BIRC6: variants seen among roughly 807,000 people sequenced by gnomAD.
BIRC6 encodes baculoviral IAP repeat containing 6.
Under a neutral mutation model 503.3 loss-of-function variants are expected in BIRC6, and 98 were observed. The ratio of observed to expected loss-of-function variants is 0.19; its 90% CI spans 0.17 to 0.23. BIRC6 has a LOEUF of 0.23. Among genes scored for constraint, BIRC6 ranks in the 10% least tolerant of loss-of-function variants. BIRC6 has a pLI of 1.00. For synonymous variants in BIRC6, 2,240 were observed against 2,078.7 expected (o/e 1.08, Z -2.11); for missense variants, 5,360 against 5,806.0 (o/e 0.92, Z 2.50).
rs1310723544 is a variant in BIRC6 at position 32,549,459 on chromosome 2, A to G, written c.13122A>G (p.Ser4374=). ...LSQSCLIPAM[S]SYLRNDSVLD... is the part of the protein sequence containing the mutation. The stretch of plus-strand genomic sequence containing the variant: ...AGTCCTGCCTCATCCCAGCCATGTC[A>G]TCTTATCTACGAAATGATTCAGGTA... Residue 4374 remains serine, a synonymous_variant, in exon 65 of 74, where the codon TCA becomes TCG. Coordinates refer to ENST00000421745, the MANE Select transcript of BIRC6 (RefSeq NM_016252.4). 6.9e-7 allele frequency: 1 copy of G among 1,449,596 alleles called. No homozygotes were observed. Among genetic ancestry groups the G allele is most frequent in the Admixed American group, 2.0e-5 (1 of 51,128 alleles). The allele number at this position is 1,449,596 out of a possible 1,614,324, so 89.8% of individuals were successfully genotyped here.
At chr2:32,423,830 C>T (rs2043192673) in intron 10 of BIRC6, among the ~76,000 whole-genome samples, 1 of 152,164 alleles carries the variant, frequency 6.6e-6, no homozygotes, top group East Asian at 1.9e-4. Flanking sequence ...CTTGTCCCAT[C>T]CAGGACACAA....
intron 57 of BIRC6, among the ~76,000 whole-genome samples, chr2:32,520,713 G>A (rs2055563661): frequency 1.3e-5 from 2 of 152,114 alleles, no homozygotes; most frequent in South Asian, 4.1e-4. Context: ...CCTATCTGGG[G>A]GACTGAGGTA....
intron 73 of BIRC6, among the ~76,000 whole-genome samples, chr2:32,613,502 T>C (rs1248513375): frequency 6.6e-6 from 1 of 152,092 alleles, no homozygotes; most frequent in Admixed American, 6.6e-5. Flanking sequence ...TGCCTCAGCC[T>C]CCTGAGTATC....
In BIRC6 at chr2:32,378,076, G is replaced by A. The variant is rs146773671; in HGVS notation, c.507+307G>A. On this transcript the variant is annotated intron_variant, in intron 2 of 73. Transcript: ENST00000421745. ...GTTTCCAATAATAGTCCAGGGCTAA[G>A]TGTATGGCCATCATTGCCAACCTCA... 1.2e-3 allele frequency among the ~76,000 whole-genome samples: 184 copies of A among 152,250 alleles called. 1 individual carries two copies. In the Middle Eastern group the frequency reaches 0.017, roughly 14 times the overall value.
At chr2:32,452,799 A>G (rs1224002752) in intron 22 of BIRC6, among the ~76,000 whole-genome samples, 1 of 152,084 alleles carries the variant, frequency 6.6e-6, no homozygotes. Flanking sequence ...AACATAGAAT[A>G]TAGTCTTCGT....
At chr2:32,403,963 T>C (rs1000822550) in intron 8 of BIRC6, among the ~76,000 whole-genome samples, 4 of 150,310 alleles carry the variant, frequency 2.7e-5, no homozygotes, top group African/African-American at 7.3e-5. Context: ...AGTCTCACCC[T>C]GTCGCCCAGG....
At chr2:32,385,397 T>C (rs968344436) in intron 3 of BIRC6, among the ~76,000 whole-genome samples, 1 of 152,216 alleles carries the variant, frequency 6.6e-6, no homozygotes, top group African/African-American at 2.4e-5. Flanking sequence ...TGAAGGATAC[T>C]TGTTGCTGGT....
chr2:32,388,997 A>G, intron 4 of BIRC6, 54 bp downstream of exon 4: 1 of 1,153,720 alleles, frequency 8.7e-7, no homozygotes, highest in Non-Finnish European at 1.1e-6. Flanking sequence ...TAGTTTTTGC[A>G]TTAAACAAGG....
chr2:32,478,882 C>G, intron 36 of BIRC6, 64 bp downstream of exon 36: 1 of 1,508,200 alleles, frequency 6.6e-7, no homozygotes, highest in Non-Finnish European at 9.1e-7. Flanking sequence ...AACTAAGAAT[C>G]TTCAAAGGGA....
At chr2:32,417,487 A>T (rs988665393) in intron 10 of BIRC6, among the ~76,000 whole-genome samples, 1 of 152,158 alleles carries the variant, frequency 6.6e-6, no homozygotes, top group African/African-American at 2.4e-5. Context: ...GAGATAAAGC[A>T]GTTTTTGAAA....
At chr2:32,362,675 T>G (rs1022753010) in intron 1 of BIRC6, among the ~76,000 whole-genome samples, 4 of 152,186 alleles carry the variant, frequency 2.6e-5, no homozygotes, top group African/African-American at 9.6e-5. Flanking sequence ...CTGTTCATAT[T>G]ACTAGATATG....
Position 32,404,723 on chromosome 2 carries a change from G to A in BIRC6, c.1419-1776G>A, listed in dbSNP as rs910106443. Among the ~76,000 whole-genome samples, 86 of 151,312 alleles carry A rather than the reference G, an allele frequency of 5.7e-4. 1 individual carries two copies. The highest frequency in any genetic ancestry group is 1.6e-3 in the Admixed American group (25 of 15,170). ...GAAACAAGGTCTTGCTCTGTCACCC[G>A]GGCTCACGGCTCACTGCACCCTTTA... On this transcript the variant is annotated intron_variant, in intron 8 of 73. Transcript: ENST00000421745.
In BIRC6 at chr2:32,515,303, G is replaced by A. The variant is rs376003061; in HGVS notation, c.10882G>A (p.Asp3628Asn). The A allele has an allele frequency of 9.9e-6, 16 of 1,613,722 alleles. No individual in the cohort carries two copies. The highest frequency in any genetic ancestry group is 1.4e-5 in the Non-Finnish European group (16 of 1,179,896). Residue 3628 changes from aspartate to asparagine, a missense_variant, in exon 55 of 74, where the codon GAC (aspartate) becomes AAC (asparagine). Coordinates refer to ENST00000421745, the MANE Select transcript of BIRC6 (RefSeq NM_016252.4). The stretch of plus-strand genomic sequence containing the variant: ...TCCTGAAGCTATTAAACAATTACTA[G>A]ACTCAGGTTTGCCTTCTCTTCTTGT... ...QSPEAIKQLL[D>N]SGLPSLLVRS...
At chr2:32,501,208 T>C (rs1308913209) in intron 46 of BIRC6, among the ~76,000 whole-genome samples, 1 of 152,158 alleles carries the variant, frequency 6.6e-6, no homozygotes, top group Admixed American at 6.6e-5. Context: ...TGTTGGTATT[T>C]TTTTCTTTGT....
At chr2:32,593,427 A>G (rs1205270181) in intron 66 of BIRC6, among the ~76,000 whole-genome samples, 1 of 152,188 alleles carries the variant, frequency 6.6e-6, no homozygotes, top group African/African-American at 2.4e-5. Flanking sequence ...CCTAAAACTT[A>G]GTGTCTCATT....
At position 32,459,252 on chromosome 2, in the gene BIRC6, A is replaced by G. The variant is rs568081572; in HGVS notation, c.4754-3942A>G. On this transcript the variant is annotated intron_variant, in intron 23 of 73. Coordinates refer to ENST00000421745, the MANE Select transcript of BIRC6 (RefSeq NM_016252.4). ...CAACCAGTAGATTGGAGTTTCATCC[A>G]TTTAGCCTGTATCAGTACATTACTC... is the stretch of plus-strand genomic sequence containing the variant. 7.9e-5 allele frequency among the ~76,000 whole-genome samples: 12 copies of G among 152,228 alleles called. No homozygotes were observed. The East Asian group carries it at 2.3e-3, about 29-fold the overall frequency.
intron 50 of BIRC6, among the ~76,000 whole-genome samples, chr2:32,507,685 ATAGGG>A (rs2053951428): frequency 6.6e-6 from 1 of 152,210 alleles, no homozygotes; most frequent in Non-Finnish European, 1.5e-5. Flanking sequence ...GGTTTTATTC[ATAGGG>A]AGCATCAGGT....
intron 12 of BIRC6, among the ~76,000 whole-genome samples, chr2:32,431,460 T>C (rs1322146903): frequency 6.6e-6 from 1 of 152,150 alleles, no homozygotes; most frequent in Non-Finnish European, 1.5e-5. Context: ...CCTCCCGAAG[T>C]GCTGGGATTA....
Position 32,611,577 on chromosome 2 carries a change from C to G in BIRC6, c.14389C>G (p.Leu4797Val). Residue 4797 changes from leucine to valine, a missense_variant, in exon 73 of 74, where the codon CTC becomes GTC. Transcript: ENST00000421745. ...GACTATGTCTCACCATGCAGCAGCT[C>G]TCAAGGTGAGTAAGCCTCTCTAACA... The part of the protein sequence containing the change: ...GRTMSHHAAA[L>V]KRHTAQLREE... The G allele has an allele frequency of 6.3e-7, 1 of 1,578,706 alleles. No individual in the cohort carries two copies. The highest frequency in any genetic ancestry group is 8.6e-7 in the Non-Finnish European group (1 of 1,159,382).
Sources: gnomAD v4.1 joint callset for allele counts (sites outside exome capture counted in the v4.1 genomes callset) on GRCh38, gnomAD v4.1.1 for gene constraint, MANE v1.5 for transcripts, NCBI Gene and HGNC (gene_info 2026-07-23, HGNC 2026-07-21) for gene names.